Variants in MAML1 observed in about 807,000 individuals in gnomAD.
MAML1 encodes the protein mastermind-like protein 1.
MAML1 carries 14 observed loss-of-function variants against 77.1 expected under a neutral mutation model. The ratio of observed to expected loss-of-function variants is 0.18; its 90% CI spans 0.12 to 0.28. The LOEUF is 0.28. MAML1 is among the 10% of genes least tolerant of loss of function. The pLI is 1.00. For missense variants in MAML1, 1,217 were observed against 1,327.8 expected, an observed-to-expected ratio of 0.92 and a Z score of 1.30; for synonymous variants, 516 against 551.9, an observed-to-expected ratio of 0.93 and a Z score of 0.91.
intron 1 of MAML1, among the ~76,000 whole-genome samples, chr5:179,755,630 G>A (rs760280559): frequency 1.3e-4 from 20 of 152,178 alleles, no homozygotes; most frequent in Non-Finnish European, 1.0e-4. Context: ...GCCTGCGGCC[G>A]AGATGGCTTT....
At chr5:179,747,626 C>T (rs559030771) in intron 1 of MAML1, among the ~76,000 whole-genome samples, 24 of 151,892 alleles carry the variant, frequency 1.6e-4, no homozygotes, top group South Asian at 1.5e-3. Flanking sequence ...TTGGCTAACA[C>T]GGTGAAACCC....
At chr5:179,750,202 T>C (rs1258593485) in intron 1 of MAML1, among the ~76,000 whole-genome samples, 3 of 152,258 alleles carry the variant, frequency 2.0e-5, no homozygotes, top group Admixed American at 1.3e-4. Flanking sequence ...AATTACCAAA[T>C]GATCTTCTGT....
intron 1 of MAML1, among the ~76,000 whole-genome samples, chr5:179,737,776 A>G (rs924505541): frequency 1.1e-5 from 1 of 94,512 alleles, no homozygotes; most frequent in East Asian, 2.8e-4. Context: ...TCTCTATTCT[A>G]ATTTTCAAGG....
At chr5:179,751,714 A>C (rs1400929870) in intron 1 of MAML1, among the ~76,000 whole-genome samples, 1 of 152,006 alleles carries the variant, frequency 6.6e-6, no homozygotes, top group African/African-American at 2.4e-5. Context: ...CAAAAAAAGA[A>C]AAAAATACCG....
chr5:179,766,052 T>C lies in MAML1; in HGVS notation c.1042T>C (p.Phe348Leu), dbSNP rs1371559817. ...SPSLGGSQTL[F>L]HTSGQPRADN... ...CAGCCTAGGGGGCTCCCAAACCTTA[T>C]TCCACACCTCTGGTCAGCCCCGGGC... Residue 348 changes from phenylalanine to leucine, a missense_variant, in exon 2 of 5, where the codon TTC (phenylalanine) becomes CTC (leucine). Phe to Leu is a conservative substitution (Grantham distance 22). Transcript: ENST00000292599. The surrounding 1 kb of genome is among the most constrained non-coding windows in gnomAD (Gnocchi z 4.0). The C allele has an allele frequency of 6.9e-6, 11 of 1,590,164 alleles. No homozygotes were observed. Among genetic ancestry groups the C allele is most frequent in the South Asian group, 2.3e-5 (2 of 87,244 alleles).
intron 1 of MAML1, among the ~76,000 whole-genome samples, chr5:179,746,608 G>A (rs1779389201): frequency 1.3e-5 from 2 of 151,928 alleles, no homozygotes; most frequent in Non-Finnish European, 2.9e-5. Flanking sequence ...CCCGACCTCA[G>A]GTAATTGGTC....
intron 1 of MAML1, 89 bp downstream of exon 1, chr5:179,733,516 C>T: frequency 1.1e-5 from 11 of 975,026 alleles, no homozygotes; most frequent in Non-Finnish European, 1.4e-5. Context: ...CGCTGGGAGA[C>T]TTCCCCAGGC....
chr5:179,737,352 G>C (rs947081235), intron 1 of MAML1, among the ~76,000 whole-genome samples: 1 of 152,168 alleles, frequency 6.6e-6, no homozygotes, highest in Admixed American at 6.5e-5. Flanking sequence ...CGGAACAGAA[G>C]ATAAGTATCA....
At chr5:179,734,833 TA>T (rs1779135137) in intron 1 of MAML1, among the ~76,000 whole-genome samples, 2 of 152,188 alleles carry the variant, frequency 1.3e-5, no homozygotes, top group East Asian at 3.9e-4. Flanking sequence ...CCTGGCTAAA[TA>T]AAAAAAGTTT....
At chr5:179,741,508 A>C (rs1779283051) in intron 1 of MAML1, among the ~76,000 whole-genome samples, 2 of 152,154 alleles carry the variant, frequency 1.3e-5, no homozygotes, top group South Asian at 4.1e-4. Context: ...AAAATGGTGA[A>C]ACCCCGTCTC....
At chr5:179,760,534 T>C (rs1779705912) in intron 1 of MAML1, among the ~76,000 whole-genome samples, 1 of 151,968 alleles carries the variant, frequency 6.6e-6, no homozygotes, top group Non-Finnish European at 1.5e-5. Flanking sequence ...ATGAGGGAAG[T>C]TGGAAGGGAC....
intron 2 of MAML1, 144 bp from the exon 3 acceptor site, chr5:179,768,706 C>A: frequency 9.4e-7 from 1 of 1,060,608 alleles, no homozygotes; most frequent in Non-Finnish European, 1.4e-6. Flanking sequence ...GTCTGTGCTC[C>A]AGCCCTGTGG....
At chr5:179,742,180 T>C (rs1461756567) in intron 1 of MAML1, among the ~76,000 whole-genome samples, 1 of 145,222 alleles carries the variant, frequency 6.9e-6, no homozygotes, top group Non-Finnish European at 1.5e-5. Context: ...GCCAACAAAC[T>C]TAATTTGCTT....
At position 179,752,342 on chromosome 5, in the gene MAML1, A is replaced by ATATATATAT. The variant is rs1351079259; in HGVS notation, c.316-12984_316-12983insTATATATAT. ...TCTGTCTCCAAAAAAAAAAAAAAAA[A>ATATATATAT]AAAAAAAAATATATATATATATATG... On this transcript the variant is annotated intron_variant, in intron 1 of 4. Transcript: ENST00000292599. Among the ~76,000 whole-genome samples, 423 of 86,448 alleles carry ATATATATAT rather than the reference A, an allele frequency of 4.9e-3. 8 individuals carry two copies. Among genetic ancestry groups the ATATATATAT allele is most frequent in the South Asian group, 0.01 (27 of 2,684 alleles). The allele number at this position is 86,448 out of a possible 152,430, so 56.7% of individuals were successfully genotyped here.
At chr5:179,758,299 A>G (rs769383772) in intron 1 of MAML1, among the ~76,000 whole-genome samples, 1 of 152,182 alleles carries the variant, frequency 6.6e-6, no homozygotes, top group Non-Finnish European at 1.5e-5. Flanking sequence ...TGACTATTCC[A>G]AACTAGTAAG....
rs1581918473 is a variant in MAML1 at position 179,733,117 on chromosome 5, T to C, written c.5T>C (p.Val2Ala). 5 of 1,427,200 alleles carry C rather than the reference T, an allele frequency of 3.5e-6. No individual in the cohort carries two copies. The highest frequency in any genetic ancestry group is 3.2e-5 in the East Asian group (1 of 31,016). 88.4% of individuals were successfully genotyped at this position (1,427,200 alleles called of 1,614,324 possible). A position where few individuals can be genotyped will look rare whatever the true frequency, so the allele number is the denominator to read the frequency against. M[V>A]LPTCPMAEFA... ...GGCCCGTGCAGCCCGCGGCCCATGGTGCTGCCCACCTGCCCCATGGCGGAG... is the reference window on the plus strand; with the variant it reads ...GGCCCGTGCAGCCCGCGGCCCATGGCGCTGCCCACCTGCCCCATGGCGGAG... Residue 2 changes from valine (V) to alanine (A), a missense_variant, in exon 1 of 5, where the codon GTG (valine) becomes GCG (alanine). By Grantham distance (64) the Val-to-Ala change is moderately conservative. Transcript: ENST00000292599.
At chr5:179,735,149 A>G (rs1208524641) in intron 1 of MAML1, among the ~76,000 whole-genome samples, 1 of 152,190 alleles carries the variant, frequency 6.6e-6, no homozygotes, top group Non-Finnish European at 1.5e-5. Flanking sequence ...CATTGTACAC[A>G]TGTACCCTAA....
At chr5:179,733,888 T>G (rs1193885557) in intron 1 of MAML1, among the ~76,000 whole-genome samples, 2 of 152,212 alleles carry the variant, frequency 1.3e-5, no homozygotes, top group African/African-American at 4.8e-5. Flanking sequence ...TAAGTCGGCC[T>G]TTGGTTGACC....
chr5:179,741,201 T>TGG (rs1208308509), intron 1 of MAML1, among the ~76,000 whole-genome samples: 4 of 152,184 alleles, frequency 2.6e-5, no homozygotes, highest in Non-Finnish European at 5.9e-5. Flanking sequence ...AGCGTTCAGT[T>TGG]GGTGGTTCTT....
Sources: gnomAD v4.1 joint callset for allele counts (sites outside exome capture counted in the v4.1 genomes callset) on GRCh38, gnomAD v4.1.1 for gene constraint, Gnocchi (gnomAD v3.1) non-coding constraint, MANE v1.5 for transcripts, NCBI Gene and HGNC (gene_info 2026-07-23, HGNC 2026-07-21) for gene names.